ROCK1: variants seen among roughly 807,000 people sequenced by gnomAD.
ROCK1 encodes Rho associated coiled-coil containing protein kinase 1.
A neutral mutation model predicts 196.8 loss-of-function variants in ROCK1; 36 were observed. The ratio of observed to expected loss-of-function variants is 0.18; its 90% confidence interval spans 0.14 to 0.24. The LOEUF is 0.24. Among genes scored for constraint, ROCK1 ranks in the 10% least tolerant of loss-of-function variants. ROCK1 has a pLI of 1.00. For synonymous variants in ROCK1, 443 were observed against 515.9 expected (o/e 0.86, Z 1.91); for missense variants, 920 against 1,562.0 (o/e 0.59, Z 6.93).
At chr18:21,075,633 A>C in intron 1 of ROCK1, among the ~76,000 whole-genome samples, 1 of 152,280 alleles carries the variant, frequency 6.6e-6, no homozygotes, top group South Asian at 2.1e-4. Context: ...GAAGAATAGA[A>C]CACTGGGAAA....
chr18:21,017,252 C>T (rs1022244732), intron 12 of ROCK1, among the ~76,000 whole-genome samples: 13 of 141,058 alleles, frequency 9.2e-5, no homozygotes, highest in African/African-American at 2.4e-4. Context: ...AGTGCAGCAG[C>T]GCAATCTCAG....
intron 16 of ROCK1, among the ~76,000 whole-genome samples, chr18:20,999,118 A>T (rs1291190526): frequency 6.6e-6 from 1 of 152,200 alleles, no homozygotes; most frequent in African/African-American, 2.4e-5. Flanking sequence ...CCTCAACAAG[A>T]TGCTAGCAAA....
chr18:20,954,790 T>G lies in ROCK1; in HGVS notation c.3846A>C (p.Pro1282=). 1.2e-6 allele frequency: 2 copies of G among 1,604,192 alleles called. No homozygotes were observed. Among genetic ancestry groups the G allele is most frequent in the Non-Finnish European group, 8.5e-7 (1 of 1,176,234 alleles). Residue 1282 remains proline, a synonymous_variant, in exon 31 of 33, where the codon CCA becomes CCC. Coordinates refer to ENST00000399799, the MANE Select transcript of ROCK1 (RefSeq NM_005406.3). Reference sequence around the variant, plus strand: ...ATAATTACCATGCCTTACCTTTACATGGACAAATTAAGTCCTCTTTCTTAT... The same window carrying G: ...ATAATTACCATGCCTTACCTTTACAGGGACAAATTAAGTCCTCTTTCTTAT... ...HLDKKEDLIC[P]CKVSYDVTSA... is the part of the protein sequence containing the mutation.
At chr18:21,087,249 A>C (rs2036535513) in intron 1 of ROCK1, among the ~76,000 whole-genome samples, 7 of 152,226 alleles carry the variant, frequency 4.6e-5, no homozygotes, top group Admixed American at 4.6e-4. Flanking sequence ...CAGGAAGGCA[A>C]AAAAGGAACA....
intron 2 of ROCK1, 144 bp downstream of exon 2, chr18:21,070,388 T>C: frequency 1.9e-6 from 1 of 526,908 alleles, no homozygotes; most frequent in Non-Finnish European, 3.4e-6. Context: ...AATTGTTTCT[T>C]TCACACTTCC....
rs1871608843 is a variant in ROCK1, at chr18:20,949,854, A to G, written c.*1530T>C. 6.5e-6 allele frequency: 1 copy of G among 152,692 alleles called. No individual in the cohort carries two copies. Among genetic ancestry groups the G allele is most frequent in the Admixed American group, 6.5e-5 (1 of 15,282 alleles). The allele number at this position is 152,692 out of a possible 1,614,324, so 9.5% of individuals were successfully genotyped here. On this transcript the variant is annotated 3_prime_UTR_variant, in exon 33 of 33. Coordinates refer to ENST00000399799, the MANE Select transcript of ROCK1 (RefSeq NM_005406.3). Reference sequence around the variant, plus strand: ...ATTCATTTCAGCCATGAGAAAACACATTGCAGTAAAAATTAAAGATACCCA... The same window carrying G: ...ATTCATTTCAGCCATGAGAAAACACGTTGCAGTAAAAATTAAAGATACCCA...
At chr18:21,030,532 A>C (rs1030346639) in intron 9 of ROCK1, among the ~76,000 whole-genome samples, 4 of 151,974 alleles carry the variant, frequency 2.6e-5, no homozygotes, top group African/African-American at 9.7e-5. Flanking sequence ...TGATGGACCT[A>C]CTCTTTTTAT....
In ROCK1 at chr18:20,987,125, A is replaced by G; in HGVS notation, c.2144-15T>C. The G allele has an allele frequency of 6.2e-7, 1 of 1,608,184 alleles. No individual in the cohort carries two copies. Among genetic ancestry groups the G allele is most frequent in the East Asian group, 2.2e-5 (1 of 44,824 alleles). ...TTTTTCCATCTCTGGGAAAGCAAAA[A>G]GTTACAAACATACATTTAAAGAAAG... On this transcript the variant is annotated splice_polypyrimidine_tract_variant and intron_variant, in intron 18 of 32. Coordinates refer to ENST00000399799, the MANE Select transcript of ROCK1 (RefSeq NM_005406.3).
chr18:20,959,087 T>TATATAATATATATATTATATATATATTA (rs1568367376), intron 29 of ROCK1, among the ~76,000 whole-genome samples: 1 of 30,320 alleles, frequency 3.3e-5, no homozygotes, highest in Non-Finnish European at 4.9e-5. Flanking sequence ...TATATATATT[T>TATATAATATATATATTATATATATATTA]TATATAATAT....
At chr18:20,982,690 T>C in intron 21 of ROCK1, 73 bp downstream of exon 21, 1 of 730,314 alleles carries the variant, frequency 1.4e-6, no homozygotes, top group Non-Finnish European at 2.5e-6. Flanking sequence ...ACAGTTCACA[T>C]AAAAGAATCT....
At chr18:21,015,759 G>A (rs1457292585) in intron 12 of ROCK1, among the ~76,000 whole-genome samples, 1 of 151,750 alleles carries the variant, frequency 6.6e-6, no homozygotes, top group African/African-American at 2.4e-5. Context: ...ATCATCTGAG[G>A]TCAGGAGTTC....
rs2035932814 is a variant in ROCK1 at position 21,023,640 on chromosome 18, A to C, written c.1252T>G (p.Ser418Ala). 6.3e-7 allele frequency: 1 copy of C among 1,577,856 alleles called. No homozygotes were observed. The highest frequency in any genetic ancestry group is 1.8e-5 in the Admixed American group (1 of 55,108). ...CCTACCAAGCTTTTATCTGCATTGGAGCTAGTTCTGTTATCATTAGGATTT... is the reference window on the plus strand; with the variant it reads ...CCTACCAAGCTTTTATCTGCATTGGCGCTAGTTCTGTTATCATTAGGATTT... ...SANPNDNRTSSNADKSLQESL... is the reference protein window; with the variant it reads ...SANPNDNRTSANADKSLQESL... Residue 418 changes from serine (S) to alanine (A), a missense_variant, in exon 11 of 33, where the codon TCC (serine) becomes GCC (alanine). By Grantham distance (99) the Ser-to-Ala change is moderately conservative. Transcript: ENST00000399799.
At chr18:21,045,537 G>T (rs2036148286) in intron 4 of ROCK1, 70 bp from the exon 5 acceptor site, 1 of 1,210,748 alleles carries the variant, frequency 8.3e-7, no homozygotes, top group Non-Finnish European at 1.1e-6. Flanking sequence ...CTTAAAAAGT[G>T]GCAAAAATGT....
Position 21,111,293 on chromosome 18 carries a change from G to A in ROCK1, c.-383C>T, listed in dbSNP as rs1326574149. The A allele has an allele frequency of 6.8e-5, 32 of 471,228 alleles. No individual in the cohort carries two copies. The Admixed American group carries it at 1.2e-3, about 18-fold the overall frequency. 29.2% of individuals were successfully genotyped at this position (471,228 alleles called of 1,614,324 possible). A position where few individuals can be genotyped will look rare whatever the true frequency, so the allele number is the denominator to read the frequency against. ...AGGAGCGGGTAGAGAAAGAGAAGCA[G>A]GGTGGAGACTCCCTCCGGGCAACAA... On this transcript the variant is annotated 5_prime_UTR_variant, in exon 1 of 33. Transcript: ENST00000399799. The surrounding 1 kb of genome is among the most constrained non-coding windows in gnomAD (Gnocchi z 4.2).
intron 16 of ROCK1, 121 bp from the exon 17 acceptor site, chr18:20,993,058 A>G (rs2035640139): frequency 1.7e-6 from 1 of 595,320 alleles, no homozygotes; most frequent in African/African-American, 1.9e-5. Flanking sequence ...ATCCGATAAG[A>G]TTTTATTAAG....
At chr18:21,017,135 T>G (rs1340918834) in intron 12 of ROCK1, among the ~76,000 whole-genome samples, 6 of 151,676 alleles carry the variant, frequency 4.0e-5, no homozygotes, top group Non-Finnish European at 7.4e-5. Context: ...GATGTATTCC[T>G]GATATTCCTG....
At chr18:21,037,093 G>A (rs2036064247) in intron 9 of ROCK1, among the ~76,000 whole-genome samples, 1 of 152,106 alleles carries the variant, frequency 6.6e-6, no homozygotes, top group Admixed American at 6.5e-5. Context: ...TTGCAGTTAT[G>A]ACCTGTAGTA....
chr18:21,047,482 T>TA (rs1160230672), intron 4 of ROCK1, among the ~76,000 whole-genome samples: 13 of 152,086 alleles, frequency 8.5e-5, no homozygotes, highest in South Asian at 2.1e-4. Flanking sequence ...GGTAAAAACA[T>TA]AGACATTTCA....
rs45582431 is a variant in ROCK1, at chr18:20,953,067, A to G, written c.4061+511T>C. Among the ~76,000 whole-genome samples the G allele has an allele frequency of 7.0e-3, 1,070 of 152,192 alleles. 11 individuals carry two copies. Among genetic ancestry groups the G allele is most frequent in the African/African-American group, 0.023 (962 of 41,502 alleles). ...CAGCAAACCACCATGGCACGTGTATACCCATGTAACAAACCTGCATGTTCT... is the reference window on the plus strand; with the variant it reads ...CAGCAAACCACCATGGCACGTGTATGCCCATGTAACAAACCTGCATGTTCT... On this transcript the variant is annotated intron_variant, in intron 32 of 32. Transcript: ENST00000399799.
Sources: gnomAD v4.1 joint callset for allele counts (sites outside exome capture counted in the v4.1 genomes callset) on GRCh38, gnomAD v4.1.1 for gene constraint, Gnocchi (gnomAD v3.1) non-coding constraint, MANE v1.5 for transcripts, NCBI Gene and HGNC (gene_info 2026-07-23, HGNC 2026-07-21) for gene names.